MAGI1: variants seen among roughly 807,000 people sequenced by gnomAD.
MAGI1 encodes the protein membrane-associated guanylate kinase, WW and PDZ domain-containing protein 1.
Under a neutral mutation model 139.9 loss-of-function variants are expected in MAGI1, and 58 were observed. The observed-to-expected ratio is 0.41, with a 90% CI of 0.34 to 0.52. MAGI1 has a LOEUF of 0.52. Among genes scored for constraint, MAGI1 ranks in the 20% least tolerant of loss-of-function variants. The pLI is 0.12. For missense variants in MAGI1, 1,874 were observed against 1,901.6 expected, an observed-to-expected ratio of 0.99 and a Z score of 0.27; for synonymous variants, 812 against 737.9, an observed-to-expected ratio of 1.10 and a Z score of -1.63.
intron 5 of MAGI1, among the ~76,000 whole-genome samples, chr3:65,454,425 A>G (rs867999255): frequency 2.4e-4 from 37 of 151,692 alleles, no homozygotes; most frequent in Admixed American, 2.4e-3. Flanking sequence ...AGATATTCCT[A>G]ATGCTAGATG....
intron 2 of MAGI1, among the ~76,000 whole-genome samples, chr3:65,557,027 T>C (rs2080116590): frequency 6.6e-6 from 1 of 152,202 alleles, no homozygotes; most frequent in Non-Finnish European, 1.5e-5. Context: ...GTGTGTCAAC[T>C]TGAACAGCAA....
chr3:65,648,773 A>C (rs1323187437), intron 1 of MAGI1, among the ~76,000 whole-genome samples: 1 of 152,222 alleles, frequency 6.6e-6, no homozygotes, highest in Non-Finnish European at 1.5e-5. Flanking sequence ...GAAACTGAAG[A>C]ATAAAGATCA....
At chr3:65,758,615 A>C (rs1013026667) in intron 1 of MAGI1, among the ~76,000 whole-genome samples, 4 of 152,148 alleles carry the variant, frequency 2.6e-5, no homozygotes, top group Non-Finnish European at 4.4e-5. Flanking sequence ...CAACGTCTGG[A>C]GACATTATTG....
chr3:65,356,545 C>T lies in MAGI1; in HGVS notation c.4222G>A (p.Glu1408Lys), dbSNP rs760749180. 5.0e-6 allele frequency: 8 copies of T among 1,609,392 alleles called. No homozygotes were observed. Among genetic ancestry groups the T allele is most frequent in the Admixed American group, 3.4e-5 (2 of 59,698 alleles). Residue 1408 changes from glutamate to lysine, a missense_variant, in exon 23 of 23, where the codon GAG becomes AAG. Physicochemically the swap from Glu to Lys is moderately conservative, Grantham distance 56. Coordinates refer to ENST00000402939, the MANE Select transcript of MAGI1 (RefSeq NM_001033057.2). ...STDRRRARSP[E>K]RRRERSLDKR... ...TCCAGGGACCGCTCTCTCCTGCGCT[C>T]GGGGGAGCGTGCGCGCCTCCGGTCG...
At chr3:65,729,000 T>A (rs905088372) in intron 1 of MAGI1, among the ~76,000 whole-genome samples, 2 of 152,006 alleles carry the variant, frequency 1.3e-5, no homozygotes, top group Non-Finnish European at 2.9e-5. Context: ...CCTGACTAAT[T>A]TTGATCTGAT....
chr3:65,538,907 G>A (rs893909182), intron 2 of MAGI1, among the ~76,000 whole-genome samples: 4 of 150,548 alleles, frequency 2.7e-5, no homozygotes, highest in African/African-American at 4.9e-5. Context: ...TACTAACACC[G>A]GCAAACAGAA....
intron 3 of MAGI1, among the ~76,000 whole-genome samples, chr3:65,482,068 T>C (rs1951326648): frequency 6.6e-6 from 1 of 152,182 alleles, no homozygotes; most frequent in Non-Finnish European, 1.5e-5. Context: ...CTGGCTTTAA[T>C]CTAATGAGTG....
chr3:65,688,486 T>G (rs2088271767), intron 1 of MAGI1: 1 of 456,732 alleles, frequency 2.2e-6, no homozygotes, highest in Admixed American at 2.8e-5. Context: ...TTCACTCCCT[T>G]TCCTACCCAA....
At chr3:65,962,906 A>G (rs1233447056) in intron 1 of MAGI1, among the ~76,000 whole-genome samples, 1 of 149,828 alleles carries the variant, frequency 6.7e-6, no homozygotes, top group Non-Finnish European at 1.5e-5. Flanking sequence ...CAAAAAAATG[A>G]GCAGAGAAAT....
intron 1 of MAGI1, among the ~76,000 whole-genome samples, chr3:66,030,067 T>G (rs796713176): frequency 1.3e-5 from 2 of 152,176 alleles, no homozygotes; most frequent in Non-Finnish European, 2.9e-5. Context: ...GAGACTCCAG[T>G]GGACTCTTCC....
chr3:65,660,274 G>A (rs1576632108), intron 1 of MAGI1, among the ~76,000 whole-genome samples: 1 of 152,250 alleles, frequency 6.6e-6, no homozygotes, highest in African/African-American at 2.4e-5. Context: ...ACGCCATGAA[G>A]GTGAACATGG....
At chr3:65,489,164 C>T (rs1343316270) in intron 3 of MAGI1, among the ~76,000 whole-genome samples, 1 of 152,122 alleles carries the variant, frequency 6.6e-6, no homozygotes, top group Non-Finnish European at 1.5e-5. Flanking sequence ...ACCTCATAGG[C>T]TTGTTAGGAA....
intron 1 of MAGI1, among the ~76,000 whole-genome samples, chr3:65,913,210 G>A (rs986910494): frequency 1.3e-5 from 2 of 152,136 alleles, no homozygotes; most frequent in African/African-American, 4.8e-5. Flanking sequence ...GTTGCAGTGG[G>A]CAGAGATTGT....
intron 2 of MAGI1, among the ~76,000 whole-genome samples, chr3:65,550,478 T>C (rs1211677580): frequency 1.3e-5 from 2 of 152,204 alleles, no homozygotes; most frequent in African/African-American, 4.8e-5. Flanking sequence ...TTGGACTCTC[T>C]AGGCCAAGAA....
chr3:65,777,318 G>A (rs1175133025), intron 1 of MAGI1, among the ~76,000 whole-genome samples: 6 of 152,056 alleles, frequency 3.9e-5, no homozygotes, highest in Non-Finnish European at 7.4e-5. Context: ...GTTGCTGTGA[G>A]GGTTAAATTA....
At chr3:65,879,935 T>A (rs1198272267) in intron 1 of MAGI1, among the ~76,000 whole-genome samples, 1 of 152,306 alleles carries the variant, frequency 6.6e-6, no homozygotes, top group East Asian at 1.9e-4. Context: ...TTGTCATCCC[T>A]AACAGACACA....
chr3:65,807,197 T>G (rs1167797508), intron 1 of MAGI1, among the ~76,000 whole-genome samples: 1 of 152,190 alleles, frequency 6.6e-6, no homozygotes, highest in Non-Finnish European at 1.5e-5. Context: ...CGCCTTAGAC[T>G]GGGTAATTTG....
intron 1 of MAGI1, among the ~76,000 whole-genome samples, chr3:65,720,343 G>A (rs1042990953): frequency 2.3e-4 from 35 of 152,114 alleles, no homozygotes; most frequent in African/African-American, 8.0e-4. Flanking sequence ...TACCTGCCAG[G>A]TTACCCAGTG....
At chr3:66,005,383 A>G (rs1052789928) in intron 1 of MAGI1, among the ~76,000 whole-genome samples, 7 of 152,146 alleles carry the variant, frequency 4.6e-5, no homozygotes, top group African/African-American at 1.7e-4. Flanking sequence ...GGCTCTTCCT[A>G]TGTTTTAAGG....
Sources: gnomAD v4.1 joint callset for allele counts (sites outside exome capture counted in the v4.1 genomes callset) on GRCh38, gnomAD v4.1.1 for gene constraint, MANE v1.5 for transcripts, NCBI Gene and HGNC (gene_info 2026-07-23, HGNC 2026-07-21) for gene names.